STRBP: variants seen among roughly 807,000 people sequenced by gnomAD.
STRBP encodes the protein spermatid perinuclear RNA-binding protein.
In STRBP, 13 loss-of-function variants were observed where a neutral mutation model predicts 80.1. That is an observed-to-expected ratio of 0.16 (90% CI 0.11 to 0.26). The LOEUF is 0.26. Among genes scored for constraint, STRBP ranks in the 10% least tolerant of loss-of-function variants. The probability of loss-of-function intolerance (pLI) is 1.00; values close to 1 mark genes in which losing one functional copy is unlikely to be tolerated. For synonymous variants in STRBP, 284 were observed against 291.2 expected (o/e 0.98, Z 0.25); for missense variants, 485 against 815.2 (o/e 0.59, Z 4.93).
At chr9:123,238,804 C>T (rs1158945728) in intron 1 of STRBP, among the ~76,000 whole-genome samples, 1 of 151,990 alleles carries the variant, frequency 6.6e-6, no homozygotes, top group Admixed American at 6.6e-5. Flanking sequence ...AAGAGAAAAG[C>T]TATAACAGAA....
At chr9:123,206,307 A>T (rs1303216053) in intron 2 of STRBP, among the ~76,000 whole-genome samples, 1 of 152,244 alleles carries the variant, frequency 6.6e-6, no homozygotes, top group East Asian at 1.9e-4. Context: ...GCTAAAAAAC[A>T]GACAATTGGG....
At chr9:123,197,295 A>G (rs911861727) in intron 2 of STRBP, among the ~76,000 whole-genome samples, 3 of 152,366 alleles carry the variant, frequency 2.0e-5, no homozygotes, top group African/African-American at 7.2e-5. Flanking sequence ...ATAGTTAAAT[A>G]GAAGGAAAAC....
rs74722550 is a variant in STRBP at position 123,250,972 on chromosome 9, T to A, written c.-301-14006A>T. Among the ~76,000 whole-genome samples the A allele has an allele frequency of 5.8e-3, 874 of 150,430 alleles. 5 individuals are homozygous for A. The highest frequency in any genetic ancestry group is 0.037 in the East Asian group (191 of 5,150). On this transcript the variant is annotated intron_variant, in intron 1 of 18. Coordinates refer to ENST00000348403, the MANE Select transcript of STRBP (RefSeq NM_018387.5). ...CTACAAAAAAACAAAAAACAAAAAA[T>A]TTTTTTTTAATTAGCCAGGTCTGGT...
chr9:123,246,729 G>A (rs1169229244), intron 1 of STRBP, among the ~76,000 whole-genome samples: 2 of 152,156 alleles, frequency 1.3e-5, no homozygotes, highest in African/African-American at 2.4e-5. Flanking sequence ...CAAACCACCA[G>A]CTATTCAAAG....
At position 123,179,087 on chromosome 9, in the gene STRBP, C is replaced by G; in HGVS notation, c.144G>C (p.Trp48Cys). The G allele has an allele frequency of 6.2e-7, 1 of 1,614,094 alleles. No individual in the cohort carries two copies. The highest frequency in any genetic ancestry group is 8.5e-7 in the Non-Finnish European group (1 of 1,180,004). The change falls in exon 4 of 19, where the codon TGG (tryptophan) becomes TGC (cysteine). Residue 48 changes from tryptophan to cysteine, a missense_variant. Coordinates refer to ENST00000348403, the MANE Select transcript of STRBP (RefSeq NM_018387.5). ...VECALKHVSD[W>C]LDETNKGTKT... ...TTGTGCCTTTATTTGTTTCATCCAA[C>G]CAATCTGAGACATGTTTAAGAGCAC...
chr9:123,247,998 A>G (rs2040833318), intron 1 of STRBP, among the ~76,000 whole-genome samples: 1 of 152,184 alleles, frequency 6.6e-6, no homozygotes, highest in African/African-American at 2.4e-5. Flanking sequence ...ATAATTCAGT[A>G]AAGGAACAAC....
chr9:123,161,805 A>T (rs1354011301), intron 6 of STRBP, among the ~76,000 whole-genome samples: 1 of 152,266 alleles, frequency 6.6e-6, no homozygotes, highest in Non-Finnish European at 1.5e-5. Flanking sequence ...AAGTTGGATT[A>T]AATGGCCCAA....
intron 6 of STRBP, among the ~76,000 whole-genome samples, chr9:123,168,699 A>T (rs1338561806): frequency 6.6e-6 from 1 of 152,230 alleles, no homozygotes; most frequent in Non-Finnish European, 1.5e-5. Context: ...TGGCCCAGAT[A>T]GGCTGCAATG....
intron 2 of STRBP, among the ~76,000 whole-genome samples, chr9:123,207,697 C>A (rs803727): frequency 0.031 from 4,783 of 151,938 alleles, 245 homozygotes; most frequent in African/African-American, 0.11. Context: ...CAAACCTGCA[C>A]GTTCTGCACA....
At chr9:123,263,075 G>A (rs1287876185) in intron 1 of STRBP, among the ~76,000 whole-genome samples, 1 of 152,078 alleles carries the variant, frequency 6.6e-6, no homozygotes, top group Non-Finnish European at 1.5e-5. Context: ...GTAGCTAAAC[G>A]AATTTTGAAA....
chr9:123,245,400 G>C (rs770238094), intron 1 of STRBP, among the ~76,000 whole-genome samples: 39 of 152,266 alleles, frequency 2.6e-4, no homozygotes, highest in Non-Finnish European at 5.4e-4. Flanking sequence ...TTGTTTGTTT[G>C]TTTGTTTGAG....
chr9:123,200,570 CT>C (rs1225601723), intron 2 of STRBP, among the ~76,000 whole-genome samples: 189 of 134,464 alleles, frequency 1.4e-3, no homozygotes, highest in Non-Finnish European at 1.6e-3. Context: ...ATTTTTTTGT[CT>C]TTTTTTTTTT....
intron 18 of STRBP, among the ~76,000 whole-genome samples, chr9:123,127,241 T>A (rs553963807): frequency 6.4e-4 from 97 of 152,356 alleles, no homozygotes; most frequent in African/African-American, 2.3e-3. Context: ...AACACAATTT[T>A]CATCCAAACA....
intron 5 of STRBP, 29 bp downstream of exon 5, chr9:123,173,648 G>T (rs370308054): frequency 1.3e-6 from 2 of 1,560,146 alleles, no homozygotes; most frequent in South Asian, 1.2e-5. Context: ...TTACAAATTC[G>T]CCTAGAGGTG....
chr9:123,125,406 G>A lies in STRBP; in HGVS notation c.*191C>T. ...ATGAGGTACCGTTTTCACAGAACTG[G>A]TTTCTTTTTTTTTTTTCAAGTTTTA... On this transcript the variant is annotated 3_prime_UTR_variant, in exon 19 of 19. Coordinates refer to ENST00000348403, the MANE Select transcript of STRBP (RefSeq NM_018387.5). The A allele has an allele frequency of 8.2e-7, 1 of 1,221,406 alleles. No individual in the cohort carries two copies. The highest frequency in any genetic ancestry group is 4.4e-5 in the Admixed American group (1 of 22,838). The allele number at this position is 1,221,406 out of a possible 1,614,324, so 75.7% of individuals were successfully genotyped here. A position where few individuals can be genotyped will look rare whatever the true frequency, so the allele number is the denominator to read the frequency against.
At chr9:123,143,191 C>T (rs2036665140) in intron 13 of STRBP, among the ~76,000 whole-genome samples, 1 of 152,230 alleles carries the variant, frequency 6.6e-6, no homozygotes, top group East Asian at 1.9e-4. Context: ...AGAACCTTCT[C>T]TTCACCTTCA....
intron 6 of STRBP, chr9:123,168,344 C>T (rs1403293906): frequency 3.6e-6 from 1 of 275,344 alleles, no homozygotes; most frequent in African/African-American, 2.3e-5. Context: ...AATGCATAGG[C>T]ATAAGCTCAA....
intron 3 of STRBP, chr9:123,112,970 T>G (rs775419774): frequency 1.2e-5 from 2 of 167,090 alleles, no homozygotes; most frequent in African/African-American, 4.8e-5. Context: ...CGTGAATCTT[T>G]AGGATAGCAG....
At chr9:123,171,454 C>T (rs2038006536) in intron 5 of STRBP, among the ~76,000 whole-genome samples, 1 of 152,112 alleles carries the variant, frequency 6.6e-6, no homozygotes, top group Non-Finnish European at 1.5e-5. Context: ...TGGTTTTCCA[C>T]ACAAACACCA....
Sources: allele counts gnomAD v4.1 joint callset (sites outside exome capture counted in the v4.1 genomes callset), GRCh38; gene constraint gnomAD v4.1.1; transcripts MANE v1.5; gene names NCBI Gene and HGNC (gene_info 2026-07-23, HGNC 2026-07-21).